DENND4C: variants seen among roughly 807,000 people sequenced by gnomAD.
The protein encoded by DENND4C is DENN domain-containing protein 4C.
DENND4C carries 108 observed loss-of-function variants against 203.0 expected under a neutral mutation model. The ratio of observed to expected loss-of-function variants is 0.53; its 90% CI spans 0.46 to 0.62. DENND4C has a LOEUF of 0.62. DENND4C is among the 20% of genes least tolerant of loss of function. DENND4C has a pLI of 0.00. For synonymous variants in DENND4C, 871 were observed against 792.4 expected (o/e 1.10, Z -1.67); for missense variants, 2,481 against 2,301.2 (o/e 1.08, Z -1.60).
Position 19,336,410 on chromosome 9 carries a change from A to G in DENND4C, c.2730A>G (p.Ile910Met), listed in dbSNP as rs771888078. ...TGCAAAGGTCACAGGTCTCCTCAAT[A>G]TCAGGTAATACATGTGATTAGAAAT... ...KTVQRSQVSSISALQNVTGGS... is the reference protein window; with the variant it reads ...KTVQRSQVSSMSALQNVTGGS... Residue 910 changes from isoleucine to methionine, a missense_variant, in exon 19 of 33, where the codon ATA becomes ATG. Coordinates refer to ENST00000434457, the MANE Select transcript of DENND4C (RefSeq NM_001330640.2). 58 of 1,612,450 alleles carry G rather than the reference A, an allele frequency of 3.6e-5. No individual in the cohort carries two copies. The highest frequency in any genetic ancestry group is 4.8e-5 in the Non-Finnish European group (57 of 1,179,548).
At chr9:19,337,587 G>A in intron 20 of DENND4C, 1 of 1,258,478 alleles carries the variant, frequency 7.9e-7, no homozygotes, top group Non-Finnish European at 1.0e-6. Flanking sequence ...TGGCTGTCAT[G>A]GTGTGGGGTG....
At chr9:19,325,333 A>T (rs1051901975) in intron 13 of DENND4C, among the ~76,000 whole-genome samples, 2 of 152,054 alleles carry the variant, frequency 1.3e-5, no homozygotes, top group African/African-American at 4.8e-5. Context: ...ACTTAGTTAT[A>T]ATTTTTCCTA....
At chr9:19,350,620 AT>A in intron 23 of DENND4C, 81 bp from the exon 24 acceptor site, 4 of 1,223,172 alleles carry the variant, frequency 3.3e-6, no homozygotes, top group Non-Finnish European at 4.5e-6. Flanking sequence ...ATAGAGTTTA[AT>A]TTTGAAAAGG....
At chr9:19,283,989 C>T (rs558558960) in intron 2 of DENND4C, among the ~76,000 whole-genome samples, 1 of 152,110 alleles carries the variant, frequency 6.6e-6, no homozygotes, top group Non-Finnish European at 1.5e-5. Context: ...ATTTGTTTCT[C>T]CAGTTCTTTT....
chr9:19,230,868 G>A (rs921259973), intron 1 of DENND4C, 35 bp downstream of exon 1: 7 of 152,498 alleles, frequency 4.6e-5, no homozygotes, highest in Non-Finnish European at 8.8e-5. Context: ...GGCGGAGGAA[G>A]CCTGCGCCGT....
Position 19,345,937 on chromosome 9 carries a change from G to A in DENND4C, c.3168G>A (p.Val1056=). The change falls in exon 23 of 33, where the codon GTG becomes GTA. Residue 1056 remains valine (V), a synonymous_variant. Transcript: ENST00000434457. ...CCCTTTTAGGTAGTATATCAAATGTGCTGTTTTCTACTCAAGATCCAGTTG... is the reference window on the plus strand; with the variant it reads ...CCCTTTTAGGTAGTATATCAAATGTACTGTTTTCTACTCAAGATCCAGTTG... ...RKSSTGSISN[V]LFSTQDPVED... The A allele has an allele frequency of 6.2e-7, 1 of 1,611,636 alleles. No individual in the cohort carries two copies.
At chr9:19,285,316 A>G (rs531400352) in intron 2 of DENND4C, among the ~76,000 whole-genome samples, 5 of 152,268 alleles carry the variant, frequency 3.3e-5, no homozygotes, top group African/African-American at 1.2e-4. Context: ...TACAATTCAC[A>G]TGTCATACAG....
At chr9:19,267,079 A>T (rs1331242913) in intron 1 of DENND4C, among the ~76,000 whole-genome samples, 1 of 152,180 alleles carries the variant, frequency 6.6e-6, no homozygotes, top group Non-Finnish European at 1.5e-5. Context: ...AAGAATGTGT[A>T]TATTCTGCAG....
Position 19,373,059 on chromosome 9 carries a change from A to T in DENND4C, c.*886A>T, listed in dbSNP as rs1829107634. On this transcript the variant is annotated 3_prime_UTR_variant, in exon 33 of 33. Transcript: ENST00000434457. The stretch of plus-strand genomic sequence containing the variant: ...ACTACTAAACTTGTCTGTAGTCATT[A>T]ATCTTAAAATTACCTGAAAATCTGA... 6.6e-6 allele frequency: 1 copy of T among 152,178 alleles called. No individual in the cohort carries two copies. Among genetic ancestry groups the T allele is most frequent in the African/African-American group, 2.4e-5 (1 of 41,436 alleles). 9.4% of individuals were successfully genotyped at this position (152,178 alleles called of 1,614,324 possible). A position where few individuals can be genotyped will look rare whatever the true frequency, so the allele number is the denominator to read the frequency against.
intron 16 of DENND4C, among the ~76,000 whole-genome samples, chr9:19,331,328 G>C (rs775861234): frequency 6.6e-6 from 1 of 151,120 alleles, no homozygotes; most frequent in African/African-American, 2.4e-5. Flanking sequence ...TCAAACTCCC[G>C]AGTAGCTGGG....
chr9:19,293,023 T>C (rs1836696700), intron 5 of DENND4C, among the ~76,000 whole-genome samples: 1 of 152,212 alleles, frequency 6.6e-6, no homozygotes. Context: ...GCATAGTGCC[T>C]GGAACATAGA....
intron 9 of DENND4C, among the ~76,000 whole-genome samples, chr9:19,305,016 T>C (rs2131372706): frequency 6.6e-6 from 1 of 152,218 alleles, no homozygotes; most frequent in South Asian, 2.1e-4. Context: ...ATAATAAGTT[T>C]ATTTTATGAT....
chr9:19,324,246 G>T, intron 12 of DENND4C, 116 bp from the exon 13 acceptor site: 1 of 607,750 alleles, frequency 1.6e-6, no homozygotes, highest in East Asian at 3.3e-5. Flanking sequence ...TTTAAATATG[G>T]ATATATATAT....
rs745991698 is a variant in DENND4C, at chr9:19,350,847, G to C, written c.4463G>C (p.Ser1488Thr). Residue 1488 changes from serine to threonine, a missense_variant, in exon 24 of 33, where the codon AGT becomes ACT. Transcript: ENST00000434457. The stretch of plus-strand genomic sequence containing the variant: ...ACAAGTCTTGGCAGTAGCAGCAGTA[G>C]TGGAGATGTAGGAAAACTGCATTAT... ...SNTSLGSSSSSGDVGKLHYPT... is the reference protein window; with the variant it reads ...SNTSLGSSSSTGDVGKLHYPT... 6.2e-7 allele frequency: 1 copy of C among 1,613,992 alleles called. No homozygotes were observed. The highest frequency in any genetic ancestry group is 8.5e-7 in the Non-Finnish European group (1 of 1,179,974).
chr9:19,321,886 G>T (rs527980932), intron 12 of DENND4C, among the ~76,000 whole-genome samples: 27 of 150,540 alleles, frequency 1.8e-4, no homozygotes, highest in Non-Finnish European at 3.4e-4. Flanking sequence ...TTTATCCTGA[G>T]AACACTGGAA....
rs367733795 is a variant in DENND4C, at chr9:19,353,529, G to A, written c.4781+864G>A. Among the ~76,000 whole-genome samples the A allele has an allele frequency of 4.8e-4, 73 of 152,360 alleles. 2 individuals are homozygous for A. In the South Asian group the frequency reaches 0.013, roughly 27 times the overall value. ...TGTAGTCCCAGGCACCCGGGAGGCTGAGGCAGGAGAATTGCTTGAACCTGG... is the reference window on the plus strand; with the variant it reads ...TGTAGTCCCAGGCACCCGGGAGGCTAAGGCAGGAGAATTGCTTGAACCTGG... On this transcript the variant is annotated intron_variant, in intron 26 of 32. Transcript: ENST00000434457.
intron 1 of DENND4C, among the ~76,000 whole-genome samples, chr9:19,257,011 A>C (rs996282060): frequency 6.6e-6 from 1 of 151,844 alleles, no homozygotes; most frequent in African/African-American, 2.4e-5. Flanking sequence ...CGGAGGTTGC[A>C]GTGAGCCGAG....
chr9:19,362,664 A>T (rs1394482098), intron 30 of DENND4C, among the ~76,000 whole-genome samples: 1 of 152,176 alleles, frequency 6.6e-6, no homozygotes, highest in Non-Finnish European at 1.5e-5. Flanking sequence ...TCTATCAAGT[A>T]AAAATTTGGT....
Position 19,286,795 on chromosome 9 carries a change from T to C in DENND4C, c.332T>C (p.Leu111Pro). Reference sequence around the variant, plus strand: ...GTTCTATATGAAGGGAAAGAACGGCTTATTCCAGGATGTGAAGTGATCCTA... The same window carrying C: ...GTTCTATATGAAGGGAAAGAACGGCCTATTCCAGGATGTGAAGTGATCCTA... ...IGVLYEGKER[L>P]IPGCEVILAT... The change falls in exon 3 of 33, where the codon CTT (leucine) becomes CCT (proline). Residue 111 changes from leucine to proline, a missense_variant. By Grantham distance (98) the Leu-to-Pro change is moderately conservative (BLOSUM62 -3). This residue lies in a region of DENND4C where 187 missense variants were observed against 167.4 expected (regional missense o/e 1.12). Coordinates refer to ENST00000434457, the MANE Select transcript of DENND4C (RefSeq NM_001330640.2). 2 of 1,232,146 alleles carry C rather than the reference T, an allele frequency of 1.6e-6. No homozygotes were observed. The highest frequency in any genetic ancestry group is 1.0e-6 in the Non-Finnish European group (1 of 987,954). The allele number at this position is 1,232,146 out of a possible 1,614,324, so 76.3% of individuals were successfully genotyped here.
Sources: allele counts gnomAD v4.1 joint callset (sites outside exome capture counted in the v4.1 genomes callset), GRCh38; gene constraint gnomAD v4.1.1; regional missense constraint gnomAD v4.1.1; transcripts MANE v1.5; gene names NCBI Gene and HGNC (gene_info 2026-07-23, HGNC 2026-07-21).